Variants in SLIT3 observed in about 807,000 individuals in gnomAD.
The protein encoded by SLIT3 is slit homolog 3 protein.
A neutral mutation model predicts 184.0 loss-of-function variants in SLIT3; 68 were observed. That is an observed-to-expected ratio of 0.37 (90% CI 0.30 to 0.45). The LOEUF (loss-of-function observed/expected upper bound fraction) is 0.45. SLIT3 is among the 20% of genes least tolerant of loss of function. The pLI, the probability that SLIT3 is intolerant of heterozygous loss-of-function variation, is 1.00. For synonymous variants in SLIT3, 831 were observed against 828.6 expected (o/e 1.00, Z -0.05); for missense variants, 1,707 against 2,026.0 (o/e 0.84, Z 3.02).
chr5:169,125,677 C>A (rs1223909695), intron 4 of SLIT3, among the ~76,000 whole-genome samples: 2 of 152,140 alleles, frequency 1.3e-5, no homozygotes, highest in Non-Finnish European at 2.9e-5. Context: ...TGTTCTGCAC[C>A]CCTCTCCCTG....
At chr5:168,932,958 A>G (rs940877269) in intron 4 of SLIT3, among the ~76,000 whole-genome samples, 1 of 152,210 alleles carries the variant, frequency 6.6e-6, no homozygotes, top group Non-Finnish European at 1.5e-5. Context: ...GGAAGCTTAC[A>G]CTGTAACTGA....
At chr5:169,287,068 T>C (rs1015287625) in intron 1 of SLIT3, among the ~76,000 whole-genome samples, 1 of 152,192 alleles carries the variant, frequency 6.6e-6, no homozygotes, top group African/African-American at 2.4e-5. Flanking sequence ...CTAAAATGTA[T>C]GCCTAAACAG....
At chr5:168,856,806 T>TGTGTGTGTGTGTGCGCGCGCGCGC (rs374432432) in intron 5 of SLIT3, among the ~76,000 whole-genome samples, 1 of 137,740 alleles carries the variant, frequency 7.3e-6, no homozygotes, top group African/African-American at 2.8e-5. Context: ...TGTGTGTGTG[T>TGTGTGTGTGTGTGCGCGCGCGCGC]GCGCGCGCGC....
chr5:168,888,957 C>A (rs3923474), intron 4 of SLIT3, among the ~76,000 whole-genome samples: 2 of 152,004 alleles, frequency 1.3e-5, no homozygotes, highest in African/African-American at 2.4e-5. Flanking sequence ...GACAGATAAT[C>A]TACAAATCTA....
chr5:168,796,905 G>A (rs1320424743), intron 9 of SLIT3, among the ~76,000 whole-genome samples: 1 of 151,772 alleles, frequency 6.6e-6, no homozygotes, highest in Non-Finnish European at 1.5e-5. Flanking sequence ...TCACTCTCCA[G>A]GCAAAAGGAA....
At chr5:168,991,815 C>T (rs1755341680) in intron 4 of SLIT3, among the ~76,000 whole-genome samples, 1 of 152,202 alleles carries the variant, frequency 6.6e-6, no homozygotes. Context: ...AGCCCAGACT[C>T]CACATTCGCC....
intron 3 of SLIT3, among the ~76,000 whole-genome samples, chr5:169,233,153 G>A (rs1765065683): frequency 6.6e-6 from 1 of 152,130 alleles, no homozygotes; most frequent in Non-Finnish European, 1.5e-5. Context: ...AGCCTCCCGA[G>A]TAGCTGGGAC....
At position 168,907,979 on chromosome 5, in the gene SLIT3, T is replaced by TAGAGAGAGAGAG. The variant is rs70979109; in HGVS notation, c.414-24655_414-24644dup. On this transcript the variant is annotated intron_variant, in intron 4 of 35. Transcript: ENST00000519560. ...ATATATATATATATATATATATATA[T>TAGAGAGAGAGAG]AGAGAGAGAGAGAGAGAGAGAGAGA... Among the ~76,000 whole-genome samples the TAGAGAGAGAGAG allele has an allele frequency of 1.7e-3, 83 of 50,060 alleles. 1 individual carries two copies. The highest frequency in any genetic ancestry group is 2.9e-3 in the African/African-American group (23 of 7,994). 32.8% of individuals were successfully genotyped at this position (50,060 alleles called of 152,430 possible).
chr5:168,903,180 C>T (rs1308805567), intron 4 of SLIT3, among the ~76,000 whole-genome samples: 1 of 152,156 alleles, frequency 6.6e-6, no homozygotes, highest in Admixed American at 6.5e-5. Context: ...ATTTAAAAAG[C>T]CACAGACTGG....
intron 4 of SLIT3, among the ~76,000 whole-genome samples, chr5:168,894,265 G>C (rs1338165693): frequency 6.6e-6 from 1 of 152,228 alleles, no homozygotes; most frequent in African/African-American, 2.4e-5. Flanking sequence ...TGGCAATGTA[G>C]TGTTTTATGA....
At chr5:168,866,199 G>T (rs934227089) in intron 5 of SLIT3, among the ~76,000 whole-genome samples, 2 of 152,182 alleles carry the variant, frequency 1.3e-5, no homozygotes, top group Non-Finnish European at 2.9e-5. Flanking sequence ...GCTGAAAGCC[G>T]GGCCAGACTC....
In SLIT3 at chr5:169,039,370, G is replaced by A. The variant is rs190680120; in HGVS notation, c.413+154109C>T. On this transcript the variant is annotated intron_variant, in intron 4 of 35. Transcript: ENST00000519560. ...CTTGTTCTGTCGCCCAGGCTGGAGT[G>A]CAGTGGCGCCATCTCAGCTCACTGC... is the stretch of plus-strand genomic sequence containing the variant. 6.5e-3 allele frequency among the ~76,000 whole-genome samples: 965 copies of A among 147,908 alleles called. 15 individuals carry two copies. Among genetic ancestry groups the A allele is most frequent in the African/African-American group, 0.023 (907 of 40,016 alleles).
At chr5:168,899,368 G>T (rs902226258) in intron 4 of SLIT3, among the ~76,000 whole-genome samples, 15 of 152,128 alleles carry the variant, frequency 9.9e-5, no homozygotes, top group Non-Finnish European at 1.8e-4. Context: ...ATAAAAAATA[G>T]CCGGGCATGG....
chr5:169,031,136 T>C (rs1202682343), intron 4 of SLIT3, among the ~76,000 whole-genome samples: 3 of 152,224 alleles, frequency 2.0e-5, no homozygotes, highest in African/African-American at 7.2e-5. Flanking sequence ...TCCTTGCAGA[T>C]GGCCCTGGGA....
intron 4 of SLIT3, among the ~76,000 whole-genome samples, chr5:169,093,498 A>T (rs1024102558): frequency 2.6e-5 from 4 of 152,098 alleles, no homozygotes; most frequent in Non-Finnish European, 5.9e-5. Flanking sequence ...ACAGAAGCTG[A>T]TTGGCCCAGG....
chr5:168,739,373 T>C (rs555605964), intron 20 of SLIT3, among the ~76,000 whole-genome samples: 1 of 152,232 alleles, frequency 6.6e-6, no homozygotes, highest in African/African-American at 2.4e-5. Context: ...AGAACACCCA[T>C]AATTACCTGA....
At chr5:168,931,108 T>C (rs532728714) in intron 4 of SLIT3, among the ~76,000 whole-genome samples, 1 of 152,148 alleles carries the variant, frequency 6.6e-6, no homozygotes, top group Non-Finnish European at 1.5e-5. Flanking sequence ...CTCTCTCTAA[T>C]TGTCTTATTG....
chr5:169,277,656 T>C (rs1201553593), intron 1 of SLIT3, among the ~76,000 whole-genome samples: 1 of 152,246 alleles, frequency 6.6e-6, no homozygotes, highest in Non-Finnish European at 1.5e-5. Context: ...CATTCATCTG[T>C]TTATAGACAC....
chr5:168,710,521 T>TG (rs1199988441), intron 25 of SLIT3, among the ~76,000 whole-genome samples: 6 of 152,036 alleles, frequency 3.9e-5, no homozygotes, highest in African/African-American at 1.4e-4. Flanking sequence ...CCCAGCATTT[T>TG]GGGGGGCCAA....
Sources: allele counts gnomAD v4.1 joint callset (sites outside exome capture counted in the v4.1 genomes callset), GRCh38; gene constraint gnomAD v4.1.1; transcripts MANE v1.5; gene names NCBI Gene and HGNC (gene_info 2026-07-23, HGNC 2026-07-21).